The following THBS4 variants were observed in gnomAD, a reference collection of about 807,000 sequenced individuals.
THBS4 encodes thrombospondin-4.
Under a neutral mutation model 115.7 loss-of-function variants are expected in THBS4, and 90 were observed. The observed-to-expected ratio is 0.78, with a 90% CI of 0.66 to 0.93. THBS4 has a LOEUF of 0.93. Ranked by LOEUF, THBS4 falls within the 40% of genes least tolerant of loss-of-function variation. THBS4 has a pLI of 0.00. For synonymous variants in THBS4, 460 were observed against 479.3 expected (o/e 0.96, Z 0.53); for missense variants, 1,087 against 1,232.7 (o/e 0.88, Z 1.77).
At chr5:80,003,293 C>T (rs1012809572) in intron 2 of THBS4, among the ~76,000 whole-genome samples, 3 of 151,814 alleles carry the variant, frequency 2.0e-5, no homozygotes, top group East Asian at 1.9e-4. Flanking sequence ...ATTGGAGATT[C>T]GGGCAATATT....
intron 2 of THBS4, among the ~76,000 whole-genome samples, chr5:80,014,255 A>G (rs944889547): frequency 2.0e-5 from 3 of 152,176 alleles, no homozygotes; most frequent in South Asian, 2.1e-4. Flanking sequence ...ACAGTGTCCA[A>G]AGCATCAGAG....
chr5:80,047,209 A>G (rs766359509), intron 2 of THBS4, among the ~76,000 whole-genome samples: 1 of 152,192 alleles, frequency 6.6e-6, no homozygotes, highest in Non-Finnish European at 1.5e-5. Flanking sequence ...TCATTAGTGC[A>G]TACATATGGC....
chr5:80,062,969 A>G (rs1480035839), intron 8 of THBS4, among the ~76,000 whole-genome samples: 2 of 152,200 alleles, frequency 1.3e-5, no homozygotes, highest in African/African-American at 4.8e-5. Context: ...AGTCTTTGCT[A>G]TTGTGAATAG....
chr5:80,016,544 C>T (rs1232684031), intron 2 of THBS4, among the ~76,000 whole-genome samples: 1 of 152,128 alleles, frequency 6.6e-6, no homozygotes, highest in Non-Finnish European at 1.5e-5. Flanking sequence ...TGTATGAAAG[C>T]AGGGCAGGTT....
rs986493584 is a variant in THBS4 at position 80,072,293 on chromosome 5, T to G, written c.1736T>G (p.Leu579Arg). The G allele has an allele frequency of 6.2e-7, 1 of 1,614,160 alleles. No individual in the cohort carries two copies. Among genetic ancestry groups the G allele is most frequent in the African/African-American group, 1.3e-5 (1 of 75,038 alleles). The part of the protein sequence containing the change: ...DMDGDGIKNI[L>R]DNCPKFPNRD... ...TTTCTCACAGGAATAAAAAACATTC[T>G]GGACAACTGCCCAAAATTTCCCAAT... Residue 579 changes from leucine (L) to arginine (R), a missense_variant, in exon 14 of 22, where the codon CTG becomes CGG. Physicochemically the swap from Leu to Arg is moderately radical, Grantham distance 102 (BLOSUM62 -2). This residue lies in a region of THBS4 where 979 missense variants were observed against 1,103.7 expected (regional missense o/e 0.89). Coordinates refer to ENST00000350881, the MANE Select transcript of THBS4 (RefSeq NM_003248.6).
intron 19 of THBS4, 106 bp from the exon 20 acceptor site, chr5:80,079,799 C>T (rs747399168): frequency 6.9e-5 from 85 of 1,236,382 alleles, no homozygotes; most frequent in Non-Finnish European, 9.6e-5. Flanking sequence ...TCCAAGGCAG[C>T]CGGATTATAA....
intron 20 of THBS4, 134 bp downstream of exon 20, chr5:80,080,211 G>A (rs1027632730): frequency 2.6e-5 from 28 of 1,060,666 alleles, no homozygotes; most frequent in South Asian, 1.0e-4. Context: ...TTTTGTGACC[G>A]CAGGATGGGG....
rs781333059 is a variant in THBS4, at chr5:80,068,058, C to G, written c.1280C>G (p.Pro427Arg). 1 of 1,614,036 alleles carries G rather than the reference C, an allele frequency of 6.2e-7. No individual in the cohort carries two copies. Among genetic ancestry groups the G allele is most frequent in the Non-Finnish European group, 8.5e-7 (1 of 1,180,042 alleles). The stretch of plus-strand genomic sequence containing the variant: ...AAAGCGGAAAGAAACTGCAGAAACC[C>G]AGAGCTGAACCCTTGCAGTGTGAAT... ...GCKAERNCRN[P>R]ELNPCSVNAQ... The change falls in exon 10 of 22, where the codon CCA (proline) becomes CGA (arginine). Residue 427 changes from proline to arginine, a missense_variant. Around this residue, in one of 3 missense-constraint regions of THBS4, gnomAD observed 979 missense variants for 1,103.7 expected, o/e 0.89. Transcript: ENST00000350881.
chr5:80,030,884 A>T (rs115740670), upstream of THBS4, among the ~76,000 whole-genome samples: 1,908 of 152,304 alleles, frequency 0.013, 45 homozygotes, highest in African/African-American at 0.044. Flanking sequence ...CCTGACATAA[A>T]TAATGGTAAC....
At chr5:80,005,569 G>T (rs950365134) in intron 2 of THBS4, among the ~76,000 whole-genome samples, 1 of 152,076 alleles carries the variant, frequency 6.6e-6, no homozygotes, top group African/African-American at 2.4e-5. Context: ...GAGAACTGGG[G>T]TCCAGGCTCT....
chr5:80,041,660 A>C (rs1166286189), intron 2 of THBS4, among the ~76,000 whole-genome samples: 2 of 152,142 alleles, frequency 1.3e-5, no homozygotes, highest in East Asian at 1.9e-4. Flanking sequence ...TACTATAAGC[A>C]CTGAGAAGTG....
chr5:80,058,313 A>G lies in THBS4; in HGVS notation c.648A>G (p.Thr216=). 1 of 1,557,794 alleles carries G rather than the reference A, an allele frequency of 6.4e-7. No individual in the cohort carries two copies. The highest frequency in any genetic ancestry group is 8.7e-7 in the Non-Finnish European group (1 of 1,149,996). The change falls in exon 4 of 22, where the codon ACA becomes ACG. Residue 216 remains threonine, a splice_region_variant and synonymous_variant. Coordinates refer to ENST00000350881, the MANE Select transcript of THBS4 (RefSeq NM_003248.6). ...GTGAGCCACTGGCTGCCACAGGCAC[A>G]GGTGTGGGCTCTTGGGCAGTTTGCA... The part of the protein sequence containing the change: ...QQSEPLAATG[T]GDFNRQFLGQ...
chr5:80,027,594 C>CA (rs1463880305), intron 2 of THBS4, among the ~76,000 whole-genome samples: 4 of 151,984 alleles, frequency 2.6e-5, no homozygotes, highest in African/African-American at 7.3e-5. Flanking sequence ...AAACCCGTTA[C>CA]AAAAAAACAT....
At chr5:80,030,651 G>T (rs900365290), upstream of THBS4, among the ~76,000 whole-genome samples, 2 of 152,136 alleles carry the variant, frequency 1.3e-5, no homozygotes, top group African/African-American at 4.8e-5. Flanking sequence ...ATAGGTGTGA[G>T]CTACTGCGCC....
Position 80,055,769 on chromosome 5 carries a change from C to T in THBS4, c.293-16C>T. 6.2e-7 allele frequency: 1 copy of T among 1,605,560 alleles called. No individual in the cohort carries two copies. Among genetic ancestry groups the T allele is most frequent in the Non-Finnish European group, 8.5e-7 (1 of 1,174,388 alleles). On this transcript the variant is annotated splice_polypyrimidine_tract_variant and intron_variant, in intron 2 of 21. Coordinates refer to ENST00000350881, the MANE Select transcript of THBS4 (RefSeq NM_003248.6). ...GCCACTTATCACACCATTGGTTGACCTGTGCTTGCTTCCAGCCATCCTCCG... is the reference window on the plus strand; with the variant it reads ...GCCACTTATCACACCATTGGTTGACTTGTGCTTGCTTCCAGCCATCCTCCG...
At chr5:80,080,811 T>C (rs969531231) in intron 20 of THBS4, among the ~76,000 whole-genome samples, 6 of 151,946 alleles carry the variant, frequency 3.9e-5, no homozygotes, top group Non-Finnish European at 7.4e-5. Flanking sequence ...GGTCTTGATC[T>C]CCTGACCTCG....
intron 2 of THBS4, among the ~76,000 whole-genome samples, chr5:80,016,726 A>G (rs1339214444): frequency 2.0e-5 from 3 of 152,196 alleles, no homozygotes; most frequent in Admixed American, 2.0e-4. Flanking sequence ...CCTTTTCATA[A>G]TAGATTTTGC....
intron 2 of THBS4, among the ~76,000 whole-genome samples, chr5:80,015,044 A>AG (rs1832219701): frequency 6.6e-6 from 1 of 152,258 alleles, no homozygotes; most frequent in Non-Finnish European, 1.5e-5. Context: ...AAAAACTTGG[A>AG]AATGTCACCA....
chr5:80,053,074 TC>T (rs1381928122), intron 2 of THBS4: 8 of 152,124 alleles, frequency 5.3e-5, no homozygotes, highest in African/African-American at 1.9e-4. Flanking sequence ...AAAAATACCA[TC>T]CAAACACCCA....
Sources: allele counts gnomAD v4.1 joint callset (sites outside exome capture counted in the v4.1 genomes callset), GRCh38; gene constraint gnomAD v4.1.1; regional missense constraint gnomAD v4.1.1; transcripts MANE v1.5; gene names NCBI Gene and HGNC (gene_info 2026-07-23, HGNC 2026-07-21).